Variants in MCHR2 observed in about 807,000 individuals in gnomAD.
The protein encoded by MCHR2 is melanin concentrating hormone receptor 2.
In MCHR2, 15 loss-of-function variants were observed where a neutral mutation model predicts 24.8. That is an observed-to-expected ratio of 0.60 (90% CI 0.40 to 0.93). The LOEUF is 0.93. MCHR2 is among the 40% of genes least tolerant of loss of function. The pLI is 0.00. For synonymous variants in MCHR2, 151 were observed against 147.6 expected, an observed-to-expected ratio of 1.02 and a Z score of -0.17; for missense variants, 386 against 408.7, an observed-to-expected ratio of 0.94 and a Z score of 0.48.
chr6:99,925,039 T>C (rs1045319341), intron 5 of MCHR2, among the ~76,000 whole-genome samples: 1 of 152,170 alleles, frequency 6.6e-6, no homozygotes, highest in Non-Finnish European at 1.5e-5. Flanking sequence ...CCTATCTCTC[T>C]CTTTAATTCT....
chr6:99,979,572 A>T (rs1234359339), intron 1 of MCHR2, among the ~76,000 whole-genome samples: 1 of 152,206 alleles, frequency 6.6e-6, no homozygotes, highest in Non-Finnish European at 1.5e-5. Context: ...TGGAAATAAA[A>T]TTTTTAATAG....
intron 1 of MCHR2, among the ~76,000 whole-genome samples, chr6:99,961,796 G>A (rs928183540): frequency 1.3e-5 from 2 of 152,040 alleles, no homozygotes; most frequent in African/African-American, 2.4e-5. Context: ...CATGGCACAT[G>A]TATACCTATG....
chr6:99,952,497 A>G (rs530406507), intron 2 of MCHR2, among the ~76,000 whole-genome samples: 8 of 152,250 alleles, frequency 5.3e-5, no homozygotes, highest in African/African-American at 1.9e-4. Flanking sequence ...TACAATTACT[A>G]CTGTAAAAGG....
At chr6:99,961,491 T>A (rs1775186852) in intron 1 of MCHR2, among the ~76,000 whole-genome samples, 1 of 152,050 alleles carries the variant, frequency 6.6e-6, no homozygotes, top group Non-Finnish European at 1.5e-5. Flanking sequence ...GATTAAGAAA[T>A]GTGGCACATA....
At chr6:99,977,217 T>C (rs189023927) in intron 1 of MCHR2, among the ~76,000 whole-genome samples, 1 of 152,310 alleles carries the variant, frequency 6.6e-6, no homozygotes, top group East Asian at 1.9e-4. Flanking sequence ...ATGTTCAAAA[T>C]CTCCTTTGAT....
rs377651938 is a variant in MCHR2, at chr6:99,958,829, C to T, written c.-27-2655G>A. Among the ~76,000 whole-genome samples the T allele has an allele frequency of 1.2e-3, 188 of 152,290 alleles. 4 individuals are homozygous for T. In the South Asian group the frequency reaches 0.034, roughly 28 times the overall value. ...CTTCTCCCTGGGGAGAGAGAGAAAA[C>T]TGGAGCACATGTCCATTGTTCTAAC... On this transcript the variant is annotated intron_variant, in intron 1 of 5. Transcript: ENST00000281806.
At chr6:99,969,073 C>A (rs1300008826) in intron 1 of MCHR2, among the ~76,000 whole-genome samples, 1 of 152,024 alleles carries the variant, frequency 6.6e-6, no homozygotes, top group African/African-American at 2.4e-5. Context: ...ATGTAATTTA[C>A]CCTTATATCT....
intron 1 of MCHR2, among the ~76,000 whole-genome samples, chr6:99,971,373 G>GCTCTCTGTT (rs1775415427): frequency 1.3e-5 from 2 of 151,642 alleles, no homozygotes; most frequent in African/African-American, 2.4e-5. Flanking sequence ...TCTGTTATTG[G>GCTCTCTGTT]TGTATAAGAA....
At chr6:99,975,288 C>G (rs370619006) in intron 1 of MCHR2, among the ~76,000 whole-genome samples, 3 of 152,332 alleles carry the variant, frequency 2.0e-5, no homozygotes, top group East Asian at 3.9e-4. Context: ...TGCCCTTCCC[C>G]CAGTCTCGCT....
rs1435497372 is a variant in MCHR2, at chr6:99,989,947, A to C, written c.-28+3989T>G. ...TAAATTTCCGAAGAATTTTAGTTGG[A>C]GAAAAAATTCACCTAGATTTTTTTA... On this transcript the variant is annotated intron_variant, in intron 1 of 5. Coordinates refer to ENST00000281806, the MANE Select transcript of MCHR2 (RefSeq NM_001040179.2). Among the ~76,000 whole-genome samples, 3 of 152,194 alleles carry C rather than the reference A, an allele frequency of 2.0e-5. No individual in the cohort carries two copies. In the East Asian group the frequency reaches 5.8e-4, roughly 29 times the overall value.
At chr6:99,959,014 G>A (rs1775125475) in intron 1 of MCHR2, among the ~76,000 whole-genome samples, 1 of 152,154 alleles carries the variant, frequency 6.6e-6, no homozygotes, top group Non-Finnish European at 1.5e-5. Context: ...AGAGGTCAAT[G>A]CTGCTTGGCA....
At chr6:99,955,013 T>C (rs1158569007) in intron 2 of MCHR2, among the ~76,000 whole-genome samples, 2 of 152,174 alleles carry the variant, frequency 1.3e-5, no homozygotes, top group African/African-American at 4.8e-5. Context: ...GAACCACTTC[T>C]GGTCGCAAGC....
intron 1 of MCHR2, among the ~76,000 whole-genome samples, chr6:99,963,951 C>T (rs1775246158): frequency 1.3e-5 from 2 of 152,000 alleles, no homozygotes; most frequent in Non-Finnish European, 2.9e-5. Flanking sequence ...ATAGAGAAGC[C>T]TACAGAAAAA....
chr6:99,937,537 C>T (rs1774687139), intron 4 of MCHR2, among the ~76,000 whole-genome samples: 2 of 151,736 alleles, frequency 1.3e-5, no homozygotes, highest in Admixed American at 6.6e-5. Flanking sequence ...GAACCATCCT[C>T]ACATTCCTTG....
At position 99,934,406 on chromosome 6, in the gene MCHR2, A is replaced by G; in HGVS notation, c.699T>C (p.Asp233=). 2 of 1,580,598 alleles carry G rather than the reference A, an allele frequency of 1.3e-6. No individual in the cohort carries two copies. The highest frequency in any genetic ancestry group is 1.2e-5 in the South Asian group (1 of 84,200). Residue 233 remains aspartate, a synonymous_variant, in exon 5 of 6, where the codon GAT becomes GAC. Transcript: ENST00000281806. ...ACAAGGCAAACACTTACCATCTGGC[A>G]TCCTTATTCTGTTGATACATCTCCC... ...YTWEMYQQNK[D]ARCCNPSVPK...
chr6:99,929,611 C>T (rs371646887), intron 5 of MCHR2, among the ~76,000 whole-genome samples: 132 of 151,786 alleles, frequency 8.7e-4, no homozygotes, highest in Non-Finnish European at 6.9e-4. Context: ...TTTGTCTCTT[C>T]TGATCTTTGT....
chr6:99,984,469 G>A (rs373972500), intron 1 of MCHR2, among the ~76,000 whole-genome samples: 1 of 123,560 alleles, frequency 8.1e-6, no homozygotes, highest in South Asian at 2.7e-4. Flanking sequence ...TTATTTTATA[G>A]GTTACATTTG....
At chr6:99,965,801 A>G (rs760291884) in intron 1 of MCHR2, among the ~76,000 whole-genome samples, 2 of 152,122 alleles carry the variant, frequency 1.3e-5, no homozygotes, top group Non-Finnish European at 2.9e-5. Context: ...ACTTTTTCCA[A>G]TGAATTATGT....
intron 1 of MCHR2, among the ~76,000 whole-genome samples, chr6:99,967,915 T>G (rs1224086184): frequency 6.6e-6 from 1 of 152,206 alleles, no homozygotes; most frequent in Admixed American, 6.6e-5. Context: ...ATTCACTCAC[T>G]TAACACACAT....
Sources: gnomAD v4.1 joint callset for allele counts (sites outside exome capture counted in the v4.1 genomes callset) on GRCh38, gnomAD v4.1.1 for gene constraint, MANE v1.5 for transcripts, NCBI Gene and HGNC (gene_info 2026-07-23, HGNC 2026-07-21) for gene names.